Variants in TTF1 observed in about 807,000 individuals in gnomAD.
TTF1 encodes the protein transcription termination factor, RNA polymerase I.
In TTF1, 64 loss-of-function variants were observed where a neutral mutation model predicts 80.2. The observed-to-expected ratio is 0.80, with a 90% CI of 0.65 to 0.98. The LOEUF (loss-of-function observed/expected upper bound fraction) is 0.98. TTF1 is among the 50% of genes least tolerant of loss of function. TTF1 has a pLI of 0.00. For missense variants in TTF1, 1,023 were observed against 1,086.2 expected, an observed-to-expected ratio of 0.94 and a Z score of 0.82; for synonymous variants, 372 against 382.7, an observed-to-expected ratio of 0.97 and a Z score of 0.33.
chr9:132,381,816 C>G (rs1339366958), intron 9 of TTF1, among the ~76,000 whole-genome samples: 1 of 152,150 alleles, frequency 6.6e-6, no homozygotes, highest in African/African-American at 2.4e-5. Flanking sequence ...AATAACTAAC[C>G]ACCAGAACCA....
At chr9:132,401,338 A>T (rs1343116039) in intron 2 of TTF1, 117 bp downstream of exon 2, 1 of 947,102 alleles carries the variant, frequency 1.1e-6, no homozygotes, top group Non-Finnish European at 1.4e-6. Context: ...AAAATAAATA[A>T]ATAAATAAAT....
chr9:132,376,018 C>T lies in TTF1; in HGVS notation c.2615G>A (p.Ser872Asn), dbSNP rs772681317. 3 of 1,614,222 alleles carry T rather than the reference C, an allele frequency of 1.9e-6. No individual in the cohort carries two copies. The South Asian group carries it at 3.3e-5, about 18-fold the overall frequency. Reference protein sequence around the residue: ...FRDIFYYEDDSEGEDIEKESE... With the variant: ...FRDIFYYEDDNEGEDIEKESE... ...TTCTTTTTCTATGTCCTCTCCTTCA[C>T]TATCGTCTTCATAATAAAAGATGTC... Residue 872 changes from serine to asparagine, a missense_variant, in exon 11 of 11, where the codon AGT becomes AAT. Transcript: ENST00000334270.
intron 8 of TTF1, among the ~76,000 whole-genome samples, chr9:132,387,123 A>G (rs1405251886): frequency 6.6e-6 from 1 of 152,026 alleles, no homozygotes; most frequent in African/African-American, 2.4e-5. Flanking sequence ...ATGCCCGGCT[A>G]ATTTTTTAGA....
intron 10 of TTF1, among the ~76,000 whole-genome samples, chr9:132,377,865 AGTGCATGCATGTGGTGTGT>A (rs1849252801): frequency 1.5e-5 from 1 of 68,408 alleles, no homozygotes; most frequent in Non-Finnish European, 2.7e-5. Context: ...ATGTGGTGTG[AGTGCATGCATGTGGTGTGT>A]GTGAGTGCAT....
At position 132,375,985 on chromosome 9, in the gene TTF1, C is replaced by A. The variant is rs1217054102; in HGVS notation, c.2648G>T (p.Gly883Val). The A allele has an allele frequency of 2.5e-6, 4 of 1,613,692 alleles. No individual in the cohort carries two copies. The highest frequency in any genetic ancestry group is 1.3e-5 in the African/African-American group (1 of 74,928). The stretch of plus-strand genomic sequence containing the variant: ...GGCGTGAGCCATGCATGGCGCCTGG[C>A]CTTCGCTTTCTTTTTCTATGTCCTC... ...EGEDIEKESE[G>V]QAPCMAHACN... is the part of the protein sequence containing the mutation. The change falls in exon 11 of 11, where the codon GGC (glycine) becomes GTC (valine). Residue 883 changes from glycine (G) to valine (V), a missense_variant. Transcript: ENST00000334270.
rs772429350 is a variant in TTF1 at position 132,401,513 on chromosome 9, G to A, written c.1309C>T (p.Pro437Ser). 6.2e-7 allele frequency: 1 copy of A among 1,614,094 alleles called. No individual in the cohort carries two copies. Among genetic ancestry groups the A allele is most frequent in the South Asian group, 1.1e-5 (1 of 91,074 alleles). ...CAGGCCTGGGTTTTCTTTTGTCGGG[G>A]CCTAGATTTCACACCTTCTTCCATC... Reference protein sequence around the residue: ...AMMEEGVKSRPRQKKTQACLA... With the variant: ...AMMEEGVKSRSRQKKTQACLA... The change falls in exon 2 of 11, where the codon CCC becomes TCC. Residue 437 changes from proline (P) to serine (S), a missense_variant. By Grantham distance (74) the Pro-to-Ser change is moderately conservative (BLOSUM62 -1). Coordinates refer to ENST00000334270, the MANE Select transcript of TTF1 (RefSeq NM_007344.4).
intron 10 of TTF1, among the ~76,000 whole-genome samples, chr9:132,377,578 GGT>G (rs138655437): frequency 1.1e-4 from 2 of 18,632 alleles, no homozygotes; most frequent in Middle Eastern, 0.031. Flanking sequence ...GAGTGCATGT[GGT>G]GTGTGTGAGT....
At chr9:132,378,930 C>T (rs1371336305) in intron 10 of TTF1, 129 bp downstream of exon 10, 3 of 622,136 alleles carry the variant, frequency 4.8e-6, no homozygotes, top group African/African-American at 1.9e-5. Context: ...TATAATCTGC[C>T]TGTTTCCACC....
intron 5 of TTF1, 95 bp downstream of exon 5, chr9:132,396,338 C>T (rs1166320): frequency 0.17 from 223,006 of 1,293,586 alleles, 22,929 homozygotes; most frequent in African/African-American, 0.42. Flanking sequence ...TCTGCGTTAT[C>T]TTTACTGCTA....
chr9:132,399,023 ACCC>A (rs1310767255), intron 3 of TTF1, among the ~76,000 whole-genome samples: 1 of 151,624 alleles, frequency 6.6e-6, no homozygotes, highest in African/African-American at 2.4e-5. Flanking sequence ...ATATGGTGAA[ACCC>A]CATCTCAACT....
rs1849500218 is a variant in TTF1 at position 132,388,033 on chromosome 9, AG to A, written c.2312+105del. ...CAATACATGCGGAAAGTGCTGGAAC[AG>A]GGATTTGGACCTTGGCAATCTCACT... On this transcript the variant is annotated intron_variant, in intron 8 of 10. Transcript: ENST00000334270. The A allele has an allele frequency of 3.9e-5, 30 of 774,800 alleles. 1 individual carries two copies. The South Asian group carries it at 5.2e-4, about 14-fold the overall frequency. The allele number at this position is 774,800 out of a possible 1,614,324, so 48.0% of individuals were successfully genotyped here. A position where few individuals can be genotyped will look rare whatever the true frequency, so the allele number is the denominator to read the frequency against.
intron 5 of TTF1, among the ~76,000 whole-genome samples, chr9:132,396,132 G>A (rs138645545): frequency 2.0e-5 from 3 of 152,272 alleles, no homozygotes; most frequent in East Asian, 1.9e-4. Flanking sequence ...AGCTTATGAC[G>A]TAAGCAGAGA....
At chr9:132,395,240 AAAT>A (rs778317894) in intron 5 of TTF1, among the ~76,000 whole-genome samples, 44 of 152,140 alleles carry the variant, frequency 2.9e-4, no homozygotes, top group Non-Finnish European at 5.6e-4. Context: ...TTAAAAATTA[AAAT>A]AATAATAATT....
At chr9:132,396,824 C>T (rs1024213414) in intron 4 of TTF1, among the ~76,000 whole-genome samples, 8 of 151,950 alleles carry the variant, frequency 5.3e-5, no homozygotes, top group African/African-American at 9.7e-5. Flanking sequence ...TCCACCGCCA[C>T]GCCCAGCTGG....
rs778278152 is a variant in TTF1 at position 132,402,743 on chromosome 9, C to T, written c.79G>A (p.Glu27Lys). Residue 27 changes from glutamate to lysine, a missense_variant, in exon 2 of 11, where the codon GAA (glutamate) becomes AAA (lysine). By Grantham distance (56) the Glu-to-Lys change is moderately conservative. Transcript: ENST00000334270. ...KKKKKCSIHK[E>K]RPQKHSHEIF... ...TCGTGGGAATGTTTCTGAGGTCTTT[C>T]CTTATGTATAGAACACTTTTTCTTT... 9.3e-6 allele frequency: 15 copies of T among 1,612,934 alleles called. No individual in the cohort carries two copies. In the East Asian group the frequency reaches 3.3e-4, roughly 36 times the overall value.
At chr9:132,385,550 G>A (rs1042280817) in intron 9 of TTF1, among the ~76,000 whole-genome samples, 7 of 152,150 alleles carry the variant, frequency 4.6e-5, no homozygotes, top group South Asian at 2.1e-4. Context: ...CCCAGCCAGT[G>A]CTGGCTCAAG....
intron 8 of TTF1, among the ~76,000 whole-genome samples, chr9:132,387,118 C>G (rs118112078): frequency 6.6e-6 from 1 of 152,074 alleles, no homozygotes; most frequent in South Asian, 2.1e-4. Flanking sequence ...GCACCATGCC[C>G]GGCTAATTTT....
chr9:132,391,187 T>C (rs946335578), intron 6 of TTF1, among the ~76,000 whole-genome samples: 2 of 152,248 alleles, frequency 1.3e-5, no homozygotes, highest in Non-Finnish European at 2.9e-5. Context: ...TTTTATGTTA[T>C]GTACATGTCT....
intron 5 of TTF1, among the ~76,000 whole-genome samples, chr9:132,396,215 GC>G (rs1281107893): frequency 6.6e-6 from 1 of 152,196 alleles, no homozygotes; most frequent in Admixed American, 6.5e-5. Context: ...AGAGAAAGCT[GC>G]AGATGCAGGA....
Sources: allele counts gnomAD v4.1 joint callset (sites outside exome capture counted in the v4.1 genomes callset), GRCh38; gene constraint gnomAD v4.1.1; transcripts MANE v1.5; gene names NCBI Gene and HGNC (gene_info 2026-07-23, HGNC 2026-07-21).